Variants in EPHB1 observed in about 807,000 individuals in gnomAD.
EPHB1 encodes the protein ephrin type-B receptor 1.
EPHB1 carries 30 observed loss-of-function variants against 94.4 expected under a neutral mutation model. The observed-to-expected ratio is 0.32, with a 90% CI of 0.24 to 0.43. The LOEUF (loss-of-function observed/expected upper bound fraction) is 0.43. EPHB1 is among the 20% of genes least tolerant of loss of function. The probability of loss-of-function intolerance (pLI) is 1.00; values close to 1 mark genes in which losing one functional copy is unlikely to be tolerated. For synonymous variants in EPHB1, 522 were observed against 489.1 expected (o/e 1.07, Z -0.89); for missense variants, 1,055 against 1,308.3 (o/e 0.81, Z 2.99).
chr3:135,092,850 C>A (rs1212818206), intron 3 of EPHB1, among the ~76,000 whole-genome samples: 3 of 152,206 alleles, frequency 2.0e-5, no homozygotes, highest in Admixed American at 6.5e-5. Context: ...TGATCTCGAA[C>A]TCCTGGGCTC....
intron 9 of EPHB1, 102 bp from the exon 10 acceptor site, chr3:135,179,758 G>A (rs1221134849): frequency 1.4e-6 from 2 of 1,423,446 alleles, no homozygotes; most frequent in African/African-American, 2.8e-5. Flanking sequence ...GTGTGTAGGA[G>A]AGCTCCTCCC....
chr3:135,255,634 C>A (rs1185456362), intron 15 of EPHB1, among the ~76,000 whole-genome samples: 1 of 150,000 alleles, frequency 6.7e-6, no homozygotes, highest in African/African-American at 2.5e-5. Context: ...GCTTTACTTC[C>A]AAGTATGTGG....
At chr3:134,891,124 A>T (rs1026246041) in intron 1 of EPHB1, among the ~76,000 whole-genome samples, 1 of 152,126 alleles carries the variant, frequency 6.6e-6, no homozygotes, top group Admixed American at 6.5e-5. Flanking sequence ...TATTTTTTTT[A>T]AGACAGGGTC....
chr3:134,872,995 A>G (rs1277940493), intron 1 of EPHB1, among the ~76,000 whole-genome samples: 1 of 152,222 alleles, frequency 6.6e-6, no homozygotes, highest in African/African-American at 2.4e-5. Context: ...TGGACCAGAC[A>G]TGGCTCATGT....
intron 3 of EPHB1, among the ~76,000 whole-genome samples, chr3:135,020,117 T>C (rs1242678053): frequency 6.6e-6 from 1 of 152,258 alleles, no homozygotes; most frequent in Non-Finnish European, 1.5e-5. Context: ...TGATTTTTTT[T>C]CCAGCTTTCC....
At chr3:134,912,981 G>T (rs1276549841) in intron 1 of EPHB1, among the ~76,000 whole-genome samples, 1 of 152,194 alleles carries the variant, frequency 6.6e-6, no homozygotes, top group Non-Finnish European at 1.5e-5. Flanking sequence ...GAGATAGAAG[G>T]AAAATAAGGC....
chr3:134,837,774 G>A (rs2036700116), intron 1 of EPHB1, among the ~76,000 whole-genome samples: 3 of 152,120 alleles, frequency 2.0e-5, no homozygotes, highest in African/African-American at 7.2e-5. Flanking sequence ...AGGTGTTTGG[G>A]GGCTATTTGG....
rs984684708 is a variant in EPHB1 at position 134,878,744 on chromosome 3, G to A, written c.59-47072G>A. ...CTGTTCACACACCAACCACCCTGATGAATTTTTGCCATATGGGTTTATTGT... is the reference window on the plus strand; with the variant it reads ...CTGTTCACACACCAACCACCCTGATAAATTTTTGCCATATGGGTTTATTGT... On this transcript the variant is annotated intron_variant, in intron 1 of 15. Coordinates refer to ENST00000398015, the MANE Select transcript of EPHB1 (RefSeq NM_004441.5). Among the ~76,000 whole-genome samples the A allele has an allele frequency of 2.6e-5, 4 of 152,294 alleles. No individual in the cohort carries two copies. In the East Asian group the frequency reaches 7.7e-4, roughly 29 times the overall value.
At chr3:135,082,294 A>G (rs1211909003) in intron 3 of EPHB1, among the ~76,000 whole-genome samples, 1 of 152,258 alleles carries the variant, frequency 6.6e-6, no homozygotes, top group East Asian at 1.9e-4. Context: ...TGGACACAGA[A>G]GTGTGCAAAG....
At chr3:134,802,123 G>T (rs1192834208) in intron 1 of EPHB1, among the ~76,000 whole-genome samples, 4 of 152,086 alleles carry the variant, frequency 2.6e-5, no homozygotes, top group African/African-American at 9.7e-5. Flanking sequence ...CACACCCCAG[G>T]GTAGAAGCAG....
intron 1 of EPHB1, among the ~76,000 whole-genome samples, chr3:134,873,992 CA>C (rs931706864): frequency 6.6e-6 from 1 of 151,996 alleles, no homozygotes; most frequent in Non-Finnish European, 1.5e-5. Context: ...TTGACATAAG[CA>C]GAAATTCAGC....
chr3:135,186,806 G>A (rs891767236), intron 10 of EPHB1, among the ~76,000 whole-genome samples: 1 of 152,138 alleles, frequency 6.6e-6, no homozygotes, highest in African/African-American at 2.4e-5. Flanking sequence ...AATTGGCAAG[G>A]AGCTGAAACT....
intron 9 of EPHB1, 63 bp downstream of exon 9, chr3:135,167,069 G>T: frequency 6.3e-7 from 1 of 1,576,678 alleles, no homozygotes; most frequent in Non-Finnish European, 8.7e-7. Context: ...GTGGGCTAGT[G>T]CTCAGAGCTC....
At chr3:135,054,683 AG>A (rs1232422064) in intron 3 of EPHB1, among the ~76,000 whole-genome samples, 1 of 152,212 alleles carries the variant, frequency 6.6e-6, no homozygotes, top group Non-Finnish European at 1.5e-5. Flanking sequence ...TTATTATAAA[AG>A]ATTTATATTG....
At chr3:134,837,932 A>T (rs1405229068) in intron 1 of EPHB1, among the ~76,000 whole-genome samples, 1 of 152,212 alleles carries the variant, frequency 6.6e-6, no homozygotes, top group Non-Finnish European at 1.5e-5. Flanking sequence ...ACTGGACATT[A>T]CGTAGCCATA....
At chr3:135,251,950 C>T (rs527521547) in intron 15 of EPHB1, among the ~76,000 whole-genome samples, 1 of 152,298 alleles carries the variant, frequency 6.6e-6, no homozygotes, top group East Asian at 1.9e-4. Flanking sequence ...CTAGCTCCAC[C>T]ACTGCTTACC....
chr3:135,004,097 T>C (rs1487842907), intron 3 of EPHB1, among the ~76,000 whole-genome samples: 10 of 152,082 alleles, frequency 6.6e-5, no homozygotes, highest in Middle Eastern at 3.2e-3. Flanking sequence ...CAGCTGGTAC[T>C]GGTTGTTCCT....
intron 3 of EPHB1, among the ~76,000 whole-genome samples, chr3:134,986,353 C>G (rs1015042371): frequency 6.6e-6 from 1 of 152,174 alleles, no homozygotes; most frequent in African/African-American, 2.4e-5. Context: ...TCATTCCTGT[C>G]AAATGCAGCG....
At chr3:135,220,555 C>T (rs1378798112) in intron 12 of EPHB1, among the ~76,000 whole-genome samples, 1 of 150,192 alleles carries the variant, frequency 6.7e-6, no homozygotes, top group African/African-American at 2.4e-5. Context: ...GCAAGGTGCT[C>T]GCCTTTCCTC....
Sources: gnomAD v4.1 joint callset for allele counts (sites outside exome capture counted in the v4.1 genomes callset) on GRCh38, gnomAD v4.1.1 for gene constraint, MANE v1.5 for transcripts, NCBI Gene and HGNC (gene_info 2026-07-23, HGNC 2026-07-21) for gene names.